Variants in EIF4B observed in about 807,000 individuals in gnomAD.
EIF4B encodes the protein eukaryotic translation initiation factor 4B.
Under a neutral mutation model 79.3 loss-of-function variants are expected in EIF4B, and 8 were observed. That is an observed-to-expected ratio of 0.10 (90% CI 0.06 to 0.18). The LOEUF (loss-of-function observed/expected upper bound fraction) is 0.18. Ranked by LOEUF, EIF4B falls within the 10% of genes least tolerant of loss-of-function variation. EIF4B has a pLI of 1.00. For missense variants in EIF4B, 515 were observed against 792.4 expected (o/e 0.65, Z 4.20); for synonymous variants, 238 against 274.7 (o/e 0.87, Z 1.32).
At position 53,041,389 on chromosome 12, in the gene EIF4B, G is replaced by C. The variant is rs1471380762; in HGVS notation, c.*1166G>C. Reference sequence around the variant, plus strand: ...AAATAGGGACAGGGACAGTTAAATTGGGAGCCTTTCTTACAACCTTGATGG... The same window carrying C: ...AAATAGGGACAGGGACAGTTAAATTCGGAGCCTTTCTTACAACCTTGATGG... On this transcript the variant is annotated 3_prime_UTR_variant, in exon 15 of 15. Transcript: ENST00000262056. 1.3e-5 allele frequency: 2 copies of C among 152,164 alleles called. No homozygotes were observed. Among genetic ancestry groups the C allele is most frequent in the Admixed American group, 1.3e-4 (2 of 15,266 alleles). 9.4% of individuals were successfully genotyped at this position (152,164 alleles called of 1,614,324 possible). A position where few individuals can be genotyped will look rare whatever the true frequency, so the allele number is the denominator to read the frequency against.
intron 3 of EIF4B, 67 bp downstream of exon 3, chr12:53,019,073 A>G (rs1284838578): frequency 1.9e-6 from 3 of 1,540,630 alleles, no homozygotes; most frequent in Admixed American, 3.7e-5. Flanking sequence ...CTAATTGTGG[A>G]ATGGGCAGTT....
At chr12:53,010,433 T>C (rs748033911) in intron 1 of EIF4B, among the ~76,000 whole-genome samples, 2 of 152,116 alleles carry the variant, frequency 1.3e-5, no homozygotes. Context: ...ATCCTGACAG[T>C]CTCATCATAA....
rs745725546 is a variant in EIF4B at position 53,019,912 on chromosome 12, C to G, written c.363C>G (p.Ile121Met). The G allele has an allele frequency of 6.2e-7, 1 of 1,607,070 alleles. No homozygotes were observed. The highest frequency in any genetic ancestry group is 8.5e-7 in the Non-Finnish European group (1 of 1,177,992). ...SIKEFFRGLN[I>M]SAVRLPREPS... ...GTTGTTGATTCTTATTCCTTCAGAT[C>G]AGTGCAGTGCGTTTACCACGTGAAC... is the stretch of plus-strand genomic sequence containing the variant. The change falls in exon 4 of 15, where the codon ATC (isoleucine) becomes ATG (methionine). Residue 121 changes from isoleucine to methionine, a missense_variant and splice_region_variant. Around this residue, in one of 6 missense-constraint regions of EIF4B, gnomAD observed 105 missense variants for 177.2 expected, o/e 0.59. Coordinates refer to ENST00000262056, the MANE Select transcript of EIF4B (RefSeq NM_001417.7).
At position 53,041,007 on chromosome 12, in the gene EIF4B, G is replaced by C. The variant is rs796428850; in HGVS notation, c.*784G>C. On this transcript the variant is annotated 3_prime_UTR_variant, in exon 15 of 15. Coordinates refer to ENST00000262056, the MANE Select transcript of EIF4B (RefSeq NM_001417.7). ...CTGGAGCCGGAAGCACTTGGGGGTC[G>C]TGGTAATTCCCAGTGTTTTCTGTGT... The C allele has an allele frequency of 6.6e-6, 1 of 152,202 alleles. No individual in the cohort carries two copies. Among genetic ancestry groups the C allele is most frequent in the Non-Finnish European group, 1.5e-5 (1 of 68,044 alleles). 9.4% of individuals were successfully genotyped at this position (152,202 alleles called of 1,614,324 possible).
chr12:53,006,960 A>T (rs1357182785), intron 1 of EIF4B, among the ~76,000 whole-genome samples: 1 of 76,856 alleles, frequency 1.3e-5, no homozygotes, highest in Non-Finnish European at 2.5e-5. Context: ...GGTGGGGGGG[A>T]GCAGTTGGAA....
rs1943373230 is a variant in EIF4B at position 53,028,168 on chromosome 12, A to G, written c.959A>G (p.Asp320Gly). 2 of 1,603,300 alleles carry G rather than the reference A, an allele frequency of 1.2e-6. No homozygotes were observed. The highest frequency in any genetic ancestry group is 1.7e-6 in the Non-Finnish European group (2 of 1,176,764). The change falls in exon 8 of 15, where the codon GAT (aspartate) becomes GGT (glycine). Residue 320 changes from aspartate to glycine, a missense_variant. Asp to Gly is a moderately conservative substitution (Grantham distance 94, BLOSUM62 -1). This residue lies in a region of EIF4B where 187 missense variants were observed against 256.5 expected (regional missense o/e 0.73). Transcript: ENST00000262056. ...WSSRDDYSRD[D>G]YRRDDRGPPQ... ...TCCAGAGATGATTACTCTCGGGATG[A>G]TTATAGGCGTGATGATAGAGGTAAT...
At chr12:53,010,958 T>C (rs1270827378) in intron 1 of EIF4B, among the ~76,000 whole-genome samples, 1 of 152,202 alleles carries the variant, frequency 6.6e-6, no homozygotes, top group East Asian at 1.9e-4. Context: ...CCATAAAATT[T>C]ACACTTTTAA....
chr12:53,035,925 C>T (rs1297497566), intron 10 of EIF4B, among the ~76,000 whole-genome samples: 1 of 150,978 alleles, frequency 6.6e-6, no homozygotes, highest in Non-Finnish European at 1.5e-5. Flanking sequence ...TCAAGCAATT[C>T]TCCTGCCTCA....
intron 8 of EIF4B, 81 bp downstream of exon 8, chr12:53,028,269 T>G: frequency 6.7e-7 from 1 of 1,488,428 alleles, no homozygotes; most frequent in Non-Finnish European, 8.9e-7. Flanking sequence ...TACGAACTAC[T>G]GAGTTGGGCA....
At chr12:53,027,462 G>T (rs1381779539) in intron 6 of EIF4B, among the ~76,000 whole-genome samples, 2 of 151,918 alleles carry the variant, frequency 1.3e-5, no homozygotes, top group African/African-American at 4.8e-5. Context: ...TAAAAAATAA[G>T]TGGTCTTTGG....
At chr12:53,030,437 T>TTTA (rs1943419170) in intron 8 of EIF4B, among the ~76,000 whole-genome samples, 1 of 130,130 alleles carries the variant, frequency 7.7e-6, no homozygotes, top group African/African-American at 2.9e-5. Context: ...TTTTTTTTTT[T>TTTA]TGAGACGGAG....
chr12:53,008,624 A>G (rs1273719331), intron 1 of EIF4B: 1 of 152,248 alleles, frequency 6.6e-6, no homozygotes, highest in Non-Finnish European at 1.5e-5. Flanking sequence ...GTGATCCATT[A>G]TTGACCTTCA....
At chr12:53,037,734 T>C (rs1383422135) in intron 11 of EIF4B, 112 bp downstream of exon 11, 9 of 1,185,192 alleles carry the variant, frequency 7.6e-6, no homozygotes, top group South Asian at 7.6e-5. Context: ...TTATAAGTTA[T>C]GCTGGCTTTA....
At chr12:53,007,348 G>A (rs1293449829) in intron 1 of EIF4B, among the ~76,000 whole-genome samples, 3 of 149,950 alleles carry the variant, frequency 2.0e-5, no homozygotes, top group African/African-American at 2.5e-5. Context: ...GCAGCTATAT[G>A]CCAGGATCAG....
At chr12:53,022,759 A>T in intron 6 of EIF4B, 132 bp downstream of exon 6, 1 of 1,206,624 alleles carries the variant, frequency 8.3e-7, no homozygotes, top group South Asian at 2.4e-5. Context: ...AAAATTTTGG[A>T]TAGTATCTGA....
intron 11 of EIF4B, 70 bp downstream of exon 11, chr12:53,037,692 T>A: frequency 6.5e-7 from 1 of 1,541,808 alleles, no homozygotes; most frequent in African/African-American, 1.4e-5. Context: ...TGATGGAAGA[T>A]CTCCTACGGG....
At chr12:53,014,084 C>G (rs1943109640) in intron 1 of EIF4B, among the ~76,000 whole-genome samples, 1 of 151,804 alleles carries the variant, frequency 6.6e-6, no homozygotes, top group Non-Finnish European at 1.5e-5. Context: ...ATTGCTTGAG[C>G]CCAAAAGGTC....
chr12:53,037,369 T>C, intron 10 of EIF4B, 40 bp from the exon 11 acceptor site: 1 of 1,587,344 alleles, frequency 6.3e-7, no homozygotes, highest in South Asian at 1.1e-5. Flanking sequence ...CGTGAGCATC[T>C]GCAGCCTGAT....
chr12:53,007,340 A>G (rs1181620583), intron 1 of EIF4B, among the ~76,000 whole-genome samples: 2 of 150,612 alleles, frequency 1.3e-5, no homozygotes, highest in Non-Finnish European at 2.9e-5. Context: ...TACTCAGCGC[A>G]GCTATATGCC....
Sources: gnomAD v4.1 joint callset for allele counts (sites outside exome capture counted in the v4.1 genomes callset) on GRCh38, gnomAD v4.1.1 for gene constraint, gnomAD v4.1.1 regional missense constraint, MANE v1.5 for transcripts, NCBI Gene and HGNC (gene_info 2026-07-23, HGNC 2026-07-21) for gene names.